PCDH7: variants seen among roughly 807,000 people sequenced by gnomAD.
PCDH7 encodes the protein protocadherin 7, also known as protocadherin-7.
Under a neutral mutation model 58.9 loss-of-function variants are expected in PCDH7, and 17 were observed. That is an observed-to-expected ratio of 0.29 (90% confidence interval 0.20 to 0.43). The LOEUF (loss-of-function observed/expected upper bound fraction) is 0.43, where lower values mean the gene tolerates loss of function less well. Among genes scored for constraint, PCDH7 ranks in the 20% least tolerant of loss-of-function variants. PCDH7 has a pLI of 1.00. For synonymous variants in PCDH7, 664 were observed against 616.4 expected (o/e 1.08, Z -1.14); for missense variants, 1,274 against 1,441.0 (o/e 0.88, Z 1.88).
chr4:30,933,906 A>G (rs1385952536), intron 2 of PCDH7, among the ~76,000 whole-genome samples: 3 of 152,216 alleles, frequency 2.0e-5, no homozygotes, highest in Non-Finnish European at 4.4e-5. Context: ...AGTCCTTACG[A>G]TTTCCCTTCA....
intron 1 of PCDH7, among the ~76,000 whole-genome samples, chr4:30,824,497 C>T (rs868101406): frequency 6.6e-6 from 1 of 151,978 alleles, no homozygotes; most frequent in African/African-American, 2.4e-5. Flanking sequence ...AAAAATGAAG[C>T]CCCCAAACCA....
At chr4:31,076,065 T>C (rs960886742) in intron 3 of PCDH7, among the ~76,000 whole-genome samples, 4 of 152,206 alleles carry the variant, frequency 2.6e-5, no homozygotes, top group Non-Finnish European at 5.9e-5. Context: ...TTATGTGGCA[T>C]ATATATTTCA....
At chr4:30,745,070 C>T (rs1717589601) in intron 1 of PCDH7, among the ~76,000 whole-genome samples, 1 of 151,874 alleles carries the variant, frequency 6.6e-6, no homozygotes, top group Admixed American at 6.6e-5. Flanking sequence ...TGCTGTGAAG[C>T]GATTTCCAAA....
intron 3 of PCDH7, among the ~76,000 whole-genome samples, chr4:31,001,431 G>A (rs1354764062): frequency 6.6e-6 from 1 of 151,988 alleles, no homozygotes. Flanking sequence ...ACTTAAAATT[G>A]CACTCATGTA....
chr4:31,024,619 A>G (rs898699675), intron 3 of PCDH7, among the ~76,000 whole-genome samples: 30 of 152,314 alleles, frequency 2.0e-4, no homozygotes, highest in Admixed American at 1.3e-3. Flanking sequence ...CACTTCAAAG[A>G]CTTTCTCAAA....
intron 3 of PCDH7, among the ~76,000 whole-genome samples, chr4:30,966,432 T>C (rs1449195093): frequency 1.3e-5 from 2 of 152,192 alleles, no homozygotes; most frequent in African/African-American, 4.8e-5. Flanking sequence ...AGATTTACTA[T>C]CCATAAAGTG....
chr4:30,831,990 A>G (rs1372580620), intron 1 of PCDH7, among the ~76,000 whole-genome samples: 2 of 152,184 alleles, frequency 1.3e-5, no homozygotes, highest in African/African-American at 4.8e-5. Flanking sequence ...AGATCTAGCC[A>G]TATATGAATC....
chr4:30,975,586 C>A (rs565061268), intron 3 of PCDH7, among the ~76,000 whole-genome samples: 2 of 152,284 alleles, frequency 1.3e-5, no homozygotes, highest in South Asian at 4.1e-4. Context: ...TGTAAAGCAA[C>A]ATGTTAGTAT....
intron 1 of PCDH7, among the ~76,000 whole-genome samples, chr4:30,739,443 AT>A (rs566841918): frequency 4.0e-4 from 60 of 148,250 alleles, no homozygotes; most frequent in African/African-American, 1.5e-3. Flanking sequence ...ACAAATATAT[AT>A]TTTTTAAATT....
chr4:31,012,872 T>C (rs750618866), intron 3 of PCDH7, among the ~76,000 whole-genome samples: 4 of 150,196 alleles, frequency 2.7e-5, no homozygotes, highest in African/African-American at 9.7e-5. Context: ...AAGCCAGGCA[T>C]AGTGGCATGT....
chr4:30,866,432 T>C (rs1734887337), intron 1 of PCDH7, among the ~76,000 whole-genome samples: 2 of 152,264 alleles, frequency 1.3e-5, no homozygotes, highest in East Asian at 3.9e-4. Flanking sequence ...GAGATCTGTT[T>C]GACCTGAAGT....
At chr4:30,887,797 G>A (rs1056076410) in intron 1 of PCDH7, among the ~76,000 whole-genome samples, 2 of 151,902 alleles carry the variant, frequency 1.3e-5, no homozygotes, top group African/African-American at 4.8e-5. Flanking sequence ...CATTCACACG[G>A]CATTGATCAG....
chr4:30,967,689 T>A (rs1749116983), intron 3 of PCDH7, among the ~76,000 whole-genome samples: 1 of 152,166 alleles, frequency 6.6e-6, no homozygotes, highest in African/African-American at 2.4e-5. Context: ...CATGTTGACC[T>A]ACGTAAGCCT....
chr4:31,014,095 G>A (rs1048597813), intron 3 of PCDH7, among the ~76,000 whole-genome samples: 6 of 151,924 alleles, frequency 3.9e-5, no homozygotes, highest in African/African-American at 9.7e-5. Context: ...TACTAATGTA[G>A]GGTAAACTCA....
At chr4:30,818,050 A>G (rs1355177106) in intron 1 of PCDH7, among the ~76,000 whole-genome samples, 1 of 152,130 alleles carries the variant, frequency 6.6e-6, no homozygotes, top group African/African-American at 2.4e-5. Context: ...GGCCAGGTCT[A>G]GTCCCTGTCT....
chr4:30,995,008 A>G (rs116237302), intron 3 of PCDH7, among the ~76,000 whole-genome samples: 88 of 152,332 alleles, frequency 5.8e-4, no homozygotes, highest in African/African-American at 2.0e-3. Flanking sequence ...TATCTCATGT[A>G]TAATTTTTTA....
chr4:30,724,386 C>A (rs148242685), exon 1 of PCDH7: 4 of 1,613,858 alleles, frequency 2.5e-6, no homozygotes, highest in Non-Finnish European at 3.4e-6. Context: ...GTGGGCCCGG[C>A]AGTCCTGACC....
chr4:31,004,479 G>A (rs772575395), intron 3 of PCDH7, among the ~76,000 whole-genome samples: 1 of 152,122 alleles, frequency 6.6e-6, no homozygotes, highest in Non-Finnish European at 1.5e-5. Context: ...GGAGGCCTAA[G>A]CTGGCAGATC....
At chr4:30,902,399 T>G (rs2109395766) in intron 1 of PCDH7, among the ~76,000 whole-genome samples, 1 of 152,284 alleles carries the variant, frequency 6.6e-6, no homozygotes, top group Middle Eastern at 3.4e-3. Flanking sequence ...TAAAAAAAAC[T>G]GAAGCTAAAC....
Sources: allele counts gnomAD v4.1 joint callset (sites outside exome capture counted in the v4.1 genomes callset), GRCh38; gene constraint gnomAD v4.1.1; transcripts MANE v1.5; gene names NCBI Gene and HGNC (gene_info 2026-07-23, HGNC 2026-07-21).